Variants in FBXW7 observed in about 807,000 individuals in gnomAD.
FBXW7 encodes the protein F-box/WD repeat-containing protein 7.
A neutral mutation model predicts 86.3 loss-of-function variants in FBXW7; 11 were observed. That is an observed-to-expected ratio of 0.13 (90% confidence interval 0.08 to 0.21). The LOEUF (loss-of-function observed/expected upper bound fraction) is 0.21, where lower values mean the gene tolerates loss of function less well. Among genes scored for constraint, FBXW7 ranks in the 10% least tolerant of loss-of-function variants. FBXW7 has a pLI of 1.00. For synonymous variants in FBXW7, 313 were observed against 297.9 expected, an observed-to-expected ratio of 1.05 and a Z score of -0.52; for missense variants, 488 against 847.4, an observed-to-expected ratio of 0.58 and a Z score of 5.27.
chr4:152,438,337 T>C lies in FBXW7; in HGVS notation c.-119-25808A>G, dbSNP rs117248892. ...TAACTTTATTATGATATTTGCTTAA[T>C]TGTAGTGGTCTAGAACCAAATCCAT... is the stretch of plus-strand genomic sequence containing the variant. On this transcript the variant is annotated intron_variant, in intron 2 of 13. Transcript: ENST00000281708. Among the ~76,000 whole-genome samples, 13 of 152,260 alleles carry C rather than the reference T, an allele frequency of 8.5e-5. No homozygotes were observed. In the East Asian group the frequency reaches 2.5e-3, roughly 29 times the overall value.
chr4:152,493,518 G>A (rs1263928098), intron 2 of FBXW7, among the ~76,000 whole-genome samples: 1 of 152,130 alleles, frequency 6.6e-6, no homozygotes, highest in Non-Finnish European at 1.5e-5. Context: ...GTGCCAAACT[G>A]TCTCCCCCAA....
rs187780887 is a variant in FBXW7, at chr4:152,498,747, G to A, written c.-120+36194C>T. Among the ~76,000 whole-genome samples, 190 of 152,166 alleles carry A rather than the reference G, an allele frequency of 1.2e-3. 3 individuals carry two copies. Among genetic ancestry groups the A allele is most frequent in the Admixed American group, 2.1e-3 (32 of 15,278 alleles). On this transcript the variant is annotated intron_variant, in intron 2 of 13. Transcript: ENST00000281708. ...AGGCTGCTGGGATGGTATAAGAAAG[G>A]TTTCATAACAATAGTGGAGCTCAAG...
intron 12 of FBXW7, 125 bp downstream of exon 12, chr4:152,325,881 C>G: frequency 1.5e-6 from 1 of 661,236 alleles, no homozygotes; most frequent in Non-Finnish European, 2.5e-6. Context: ...TATATAAAAA[C>G]AGCAGAATAA....
chr4:152,419,342 A>G (rs928352080), intron 2 of FBXW7, among the ~76,000 whole-genome samples: 1 of 152,174 alleles, frequency 6.6e-6, no homozygotes, highest in African/African-American at 2.4e-5. Context: ...GTGAAGCTTA[A>G]TTACCACGGG....
chr4:152,392,314 A>C (rs1417578480), intron 4 of FBXW7, among the ~76,000 whole-genome samples: 1 of 152,158 alleles, frequency 6.6e-6, no homozygotes, highest in African/African-American at 2.4e-5. Context: ...AGGCTGAGTC[A>C]TAAAAAGGAG....
At chr4:152,424,508 T>C (rs1252222435) in intron 2 of FBXW7, among the ~76,000 whole-genome samples, 3 of 152,224 alleles carry the variant, frequency 2.0e-5, no homozygotes, top group African/African-American at 7.2e-5. Flanking sequence ...AAAACCATCA[T>C]ATTCTTAGAT....
intron 2 of FBXW7, among the ~76,000 whole-genome samples, chr4:152,476,709 T>A (rs1411855917): frequency 2.0e-5 from 3 of 152,078 alleles, no homozygotes; most frequent in Non-Finnish European, 2.9e-5. Context: ...ATGAAAAAAA[T>A]TTGCCTTAAG....
chr4:152,426,764 T>C (rs1739425530), intron 2 of FBXW7, among the ~76,000 whole-genome samples: 1 of 152,172 alleles, frequency 6.6e-6, no homozygotes, highest in South Asian at 2.1e-4. Flanking sequence ...AAGTCTAGCC[T>C]CTGTGAACTT....
intron 4 of FBXW7, among the ~76,000 whole-genome samples, chr4:152,407,862 A>G (rs1737564564): frequency 6.6e-6 from 1 of 151,824 alleles, no homozygotes; most frequent in Admixed American, 6.6e-5. Flanking sequence ...ATGCCATCAC[A>G]CTCAGCTAAT....
rs75169070 is a variant in FBXW7 at position 152,390,720 on chromosome 4, T to G, written c.501+20583A>C. On this transcript the variant is annotated intron_variant, in intron 4 of 13. Coordinates refer to ENST00000281708, the MANE Select transcript of FBXW7 (RefSeq NM_001349798.2). Reference sequence around the variant, plus strand: ...CAGTTAAAATAAATTAAACATTACTTACCAATAATATCTTTCTCTTATAAA... The same window carrying G: ...CAGTTAAAATAAATTAAACATTACTGACCAATAATATCTTTCTCTTATAAA... Among the ~76,000 whole-genome samples, 282 of 152,184 alleles carry G rather than the reference T, an allele frequency of 1.9e-3. 2 individuals carry two copies. The highest frequency in any genetic ancestry group is 6.0e-3 in the African/African-American group (251 of 41,560).
chr4:152,490,869 C>T (rs1745782055), intron 2 of FBXW7, among the ~76,000 whole-genome samples: 1 of 152,032 alleles, frequency 6.6e-6, no homozygotes, highest in Admixed American at 6.6e-5. Context: ...AAACATACAG[C>T]AAGCAGTACA....
chr4:152,519,199 G>A (rs1434134836), intron 2 of FBXW7, among the ~76,000 whole-genome samples: 1 of 152,164 alleles, frequency 6.6e-6, no homozygotes, highest in East Asian at 1.9e-4. Flanking sequence ...TCAGGAGGCT[G>A]AGGGAGGAGA....
intron 2 of FBXW7, among the ~76,000 whole-genome samples, chr4:152,527,505 A>T (rs1347078777): frequency 6.6e-6 from 1 of 152,212 alleles, no homozygotes; most frequent in Admixed American, 6.5e-5. Flanking sequence ...CTGTGGCCCC[A>T]GCCTGTAATC....
chr4:152,323,898 A>G, intron 13 of FBXW7: 1 of 291,758 alleles, frequency 3.4e-6, no homozygotes, highest in Non-Finnish European at 6.4e-6. Flanking sequence ...CGTTGCTTCT[A>G]TGATATAGCC....
intron 2 of FBXW7, among the ~76,000 whole-genome samples, chr4:152,505,656 A>G (rs1747347052): frequency 6.6e-6 from 1 of 152,080 alleles, no homozygotes; most frequent in Non-Finnish European, 1.5e-5. Context: ...TTCAGAGGCA[A>G]TCACACACAT....
chr4:152,353,664 T>C (rs1458265029), intron 4 of FBXW7, among the ~76,000 whole-genome samples: 1 of 152,174 alleles, frequency 6.6e-6, no homozygotes, highest in African/African-American at 2.4e-5. Context: ...ATCTCCAAAA[T>C]TATTTTGACA....
chr4:152,423,056 G>A (rs1739083241), intron 2 of FBXW7, among the ~76,000 whole-genome samples: 1 of 152,142 alleles, frequency 6.6e-6, no homozygotes, highest in East Asian at 1.9e-4. Flanking sequence ...ATTGGAAGCT[G>A]GATCCAGAGG....
In FBXW7 at chr4:152,350,066, G is replaced by T. The variant is rs753015000; in HGVS notation, c.560C>A (p.Pro187Gln). 1 of 1,559,570 alleles carries T rather than the reference G, an allele frequency of 6.4e-7. No individual in the cohort carries two copies. Among genetic ancestry groups the T allele is most frequent in the Non-Finnish European group, 8.7e-7 (1 of 1,146,644 alleles). Residue 187 changes from proline to glutamine, a missense_variant, in exon 5 of 14, where the codon CCA (proline) becomes CAA (glutamine). Pro to Gln is a moderately conservative substitution (Grantham distance 76). Around this residue, in one of 4 missense-constraint regions of FBXW7, gnomAD observed 230 missense variants for 240.0 expected, o/e 0.96. Coordinates refer to ENST00000281708, the MANE Select transcript of FBXW7 (RefSeq NM_001349798.2). ...CCTTGTATATTCTGAGACTTTGCAT[G>T]GTTTCTTTCCCAAAGAAAAAGAGCG... Reference protein sequence around the residue: ...EVRSFSLGKKPCKVSEYTSTT... With the variant: ...EVRSFSLGKKQCKVSEYTSTT...
chr4:152,476,401 C>T (rs187765821), intron 2 of FBXW7, among the ~76,000 whole-genome samples: 1 of 152,154 alleles, frequency 6.6e-6, no homozygotes, highest in African/African-American at 2.4e-5. Context: ...AAGAAAAAAA[C>T]TCTGTGATTT....
Sources: allele counts gnomAD v4.1 joint callset (sites outside exome capture counted in the v4.1 genomes callset), GRCh38; gene constraint gnomAD v4.1.1; regional missense constraint gnomAD v4.1.1; transcripts MANE v1.5; gene names NCBI Gene and HGNC (gene_info 2026-07-23, HGNC 2026-07-21).